The following REV1 variants were observed in gnomAD, a reference collection of about 807,000 sequenced individuals.
The protein encoded by REV1 is translesion synthesis protein REV1.
In REV1, 42 loss-of-function variants were observed where a neutral mutation model predicts 137.4. The observed-to-expected ratio is 0.31, with a 90% CI of 0.24 to 0.40. The LOEUF is 0.40. Ranked by LOEUF, REV1 falls within the 10% of genes least tolerant of loss-of-function variation. The pLI is 1.00. For missense variants in REV1, 1,282 were observed against 1,490.1 expected (o/e 0.86, Z 2.30); for synonymous variants, 524 against 519.2 (o/e 1.01, Z -0.12).
intron 14 of REV1, among the ~76,000 whole-genome samples, chr2:99,409,794 G>A (rs1676846466): frequency 6.9e-6 from 1 of 144,194 alleles, no homozygotes; most frequent in Non-Finnish European, 1.5e-5. Flanking sequence ...AATGAGCCGA[G>A]ATCGCACCAC....
At chr2:99,468,668 A>G (rs1303083521) in intron 1 of REV1, among the ~76,000 whole-genome samples, 2 of 152,248 alleles carry the variant, frequency 1.3e-5, no homozygotes, top group Middle Eastern at 3.2e-3. Flanking sequence ...ACAACCTAAA[A>G]TAACCTGCCA....
rs74471326 is a variant in REV1 at position 99,483,388 on chromosome 2, G to A, written c.-11+6429C>T. Among the ~76,000 whole-genome samples the A allele has an allele frequency of 1.6e-3, 243 of 152,284 alleles. 4 individuals carry two copies. The East Asian group carries it at 0.042, about 26-fold the overall frequency. Reference sequence around the variant, plus strand: ...TCCAAAAAGTTCATTTTAGCCTTGGGTATGATCAGGAATGACTGAGGTCAG... The same window carrying A: ...TCCAAAAAGTTCATTTTAGCCTTGGATATGATCAGGAATGACTGAGGTCAG... On this transcript the variant is annotated intron_variant, in intron 1 of 22. Coordinates refer to ENST00000258428, the MANE Select transcript of REV1 (RefSeq NM_016316.4).
At chr2:99,457,638 T>C (rs1193584725) in intron 3 of REV1, among the ~76,000 whole-genome samples, 1 of 149,082 alleles carries the variant, frequency 6.7e-6, no homozygotes, top group African/African-American at 2.5e-5. Context: ...TAAGCTGAGA[T>C]CATACCACTG....
chr2:99,447,716 GT>G lies in REV1; in HGVS notation c.350+1619del, dbSNP rs200602854. ...ACAAGGTCCTGAGTGACTGCATAAA[GT>G]TTTTTTTTTTTTTCTTTTTCCTGAG... On this transcript the variant is annotated intron_variant, in intron 4 of 22. Transcript: ENST00000258428. Among the ~76,000 whole-genome samples the G allele has an allele frequency of 3.3e-3, 486 of 145,452 alleles. 4 individuals are homozygous for G. The highest frequency in any genetic ancestry group is 0.01 in the African/African-American group (407 of 40,010).
At chr2:99,424,859 T>C (rs1170893502) in intron 9 of REV1, 1 of 1,304,134 alleles carries the variant, frequency 7.7e-7, no homozygotes, top group African/African-American at 1.5e-5. Flanking sequence ...TGGTAGGACA[T>C]CACTCTGGGC....
chr2:99,458,580 C>A (rs1683791677), intron 3 of REV1, among the ~76,000 whole-genome samples: 2 of 152,158 alleles, frequency 1.3e-5, no homozygotes, highest in Non-Finnish European at 1.5e-5. Context: ...CTGTACTCTT[C>A]TTATACTCAT....
chr2:99,403,674 C>T (rs1182079413), intron 19 of REV1, 21 bp downstream of exon 19: 3 of 1,614,096 alleles, frequency 1.9e-6, no homozygotes, highest in African/African-American at 2.7e-5. Context: ...ATTTTTGTTA[C>T]ATGCCACTTC....
intron 4 of REV1, among the ~76,000 whole-genome samples, chr2:99,444,250 TA>T (rs1386138281): frequency 6.6e-6 from 1 of 152,220 alleles, no homozygotes; most frequent in Non-Finnish European, 1.5e-5. Flanking sequence ...AATAAAATCC[TA>T]ACCTTAGCTT....
chr2:99,442,276 A>G (rs938832254), intron 5 of REV1, 41 bp downstream of exon 5: 10 of 1,482,996 alleles, frequency 6.7e-6, no homozygotes, highest in Non-Finnish European at 9.1e-6. Flanking sequence ...AAAAAAAAAA[A>G]CCAACCAGCT....
intron 1 of REV1, among the ~76,000 whole-genome samples, chr2:99,485,621 C>T (rs1575271040): frequency 1.3e-5 from 2 of 152,238 alleles, no homozygotes; most frequent in East Asian, 1.9e-4. Flanking sequence ...CTCTGGTGGG[C>T]GGTTGTTGAG....
intron 1 of REV1, among the ~76,000 whole-genome samples, chr2:99,485,788 T>C (rs898395264): frequency 1.3e-5 from 2 of 152,266 alleles, no homozygotes; most frequent in African/African-American, 4.8e-5. Context: ...AATACAATTT[T>C]GGTGGCTAAC....
intron 5 of REV1, 65 bp from the exon 6 acceptor site, chr2:99,439,375 T>A: frequency 8.6e-7 from 1 of 1,157,618 alleles, no homozygotes; most frequent in South Asian, 1.5e-5. Context: ...ATTTTTTCAT[T>A]TCATCATTTT....
At chr2:99,405,289 T>A (rs1676119617) in intron 17 of REV1, 1 of 152,874 alleles carries the variant, frequency 6.5e-6, no homozygotes, top group African/African-American at 2.4e-5. Flanking sequence ...GGACCAATCT[T>A]ATCTTGCCAG....
intron 11 of REV1, 31 bp from the exon 12 acceptor site, chr2:99,418,978 G>C (rs1393899971): frequency 6.5e-7 from 1 of 1,540,256 alleles, no homozygotes; most frequent in Admixed American, 1.8e-5. Flanking sequence ...CCAAGAAATA[G>C]TCACAATTAT....
intron 12 of REV1, 42 bp from the exon 13 acceptor site, chr2:99,412,993 A>G (rs1677382557): frequency 1.4e-6 from 2 of 1,381,656 alleles, no homozygotes; most frequent in Non-Finnish European, 2.1e-6. Flanking sequence ...ATAAGCTACT[A>G]ATAACAAGTT....
chr2:99,446,270 C>CT (rs990048727), intron 4 of REV1, among the ~76,000 whole-genome samples: 5 of 152,178 alleles, frequency 3.3e-5, no homozygotes, highest in African/African-American at 1.2e-4. Context: ...CTGGCCCTGT[C>CT]TCCTCAAATA....
At chr2:99,447,767 G>C (rs1392063019) in intron 4 of REV1, among the ~76,000 whole-genome samples, 1 of 151,186 alleles carries the variant, frequency 6.6e-6, no homozygotes, top group East Asian at 2.0e-4. Context: ...TGTTGCCCAG[G>C]CTGGTGCAGT....
intron 13 of REV1, among the ~76,000 whole-genome samples, chr2:99,411,835 G>A (rs1677199290): frequency 6.6e-6 from 1 of 151,992 alleles, no homozygotes; most frequent in African/African-American, 2.4e-5. Context: ...CTATCTCCAT[G>A]CCTAAGGAAA....
At chr2:99,417,885 T>G (rs892107031) in intron 12 of REV1, among the ~76,000 whole-genome samples, 39 of 152,374 alleles carry the variant, frequency 2.6e-4, no homozygotes, top group Admixed American at 2.6e-4. Flanking sequence ...TGTTGTCTAC[T>G]ACAGTAATTT....
Sources: gnomAD v4.1 joint callset for allele counts (sites outside exome capture counted in the v4.1 genomes callset) on GRCh38, gnomAD v4.1.1 for gene constraint, MANE v1.5 for transcripts, NCBI Gene and HGNC (gene_info 2026-07-23, HGNC 2026-07-21) for gene names.